TBC1D19: variants seen among roughly 807,000 people sequenced by gnomAD.
The protein encoded by TBC1D19 is TBC1 domain family, member 19.
In TBC1D19, 60 loss-of-function variants were observed where a neutral mutation model predicts 89.0. The ratio of observed to expected loss-of-function variants is 0.67; its 90% CI spans 0.55 to 0.84. The LOEUF is 0.84. Ranked by LOEUF, TBC1D19 falls within the 40% of genes least tolerant of loss-of-function variation. The pLI is 0.00. For synonymous variants in TBC1D19, 189 were observed against 199.7 expected (o/e 0.95, Z 0.45); for missense variants, 500 against 610.8 (o/e 0.82, Z 1.91).
At chr4:26,701,305 G>A (rs963295907) in intron 13 of TBC1D19, among the ~76,000 whole-genome samples, 6 of 133,500 alleles carry the variant, frequency 4.5e-5, no homozygotes, top group African/African-American at 1.0e-4. Flanking sequence ...TGACCAACCC[G>A]TCACTCATCT....
At chr4:26,614,640 GTGTTTT>G (rs1741568569) in intron 3 of TBC1D19, among the ~76,000 whole-genome samples, 187 bp downstream of exon 3, 1 of 151,994 alleles carries the variant, frequency 6.6e-6, no homozygotes, top group South Asian at 2.1e-4. Context: ...TAAGAAATAG[GTGTTTT>G]TGTTTTTGTT....
At chr4:26,703,391 CAT>C (rs1491473505) in intron 13 of TBC1D19, among the ~76,000 whole-genome samples, 3 of 151,732 alleles carry the variant, frequency 2.0e-5, no homozygotes, top group East Asian at 1.9e-4. Context: ...TGTGTGTGTG[CAT>C]GTGTGTGTGT....
the TBC1D19 span, among the ~76,000 whole-genome samples, chr4:26,789,411 C>T: frequency 2.6e-5 from 4 of 152,136 alleles, no homozygotes; most frequent in South Asian, 2.1e-4. Context: ...CATGAACAGA[C>T]ATTTTTCAAA....
chr4:26,728,373 C>T (rs76782162), intron 15 of TBC1D19, among the ~76,000 whole-genome samples: 2,708 of 152,250 alleles, frequency 0.018, 53 homozygotes, highest in East Asian at 0.066. Context: ...TATTTATTAA[C>T]TTATTTTTCT....
At chr4:26,700,118 C>A (rs1017178580) in intron 13 of TBC1D19, among the ~76,000 whole-genome samples, 1 of 151,742 alleles carries the variant, frequency 6.6e-6, no homozygotes, top group Non-Finnish European at 1.5e-5. Context: ...AAGTTTAGGA[C>A]AACATGCTCA....
the TBC1D19 span, among the ~76,000 whole-genome samples, chr4:26,802,997 G>A: frequency 3.3e-5 from 5 of 152,142 alleles, no homozygotes; most frequent in African/African-American, 9.7e-5. Context: ...TGATAAGGAC[G>A]CTAATCCCAT....
At chr4:26,682,508 A>C (rs1713437361) in intron 11 of TBC1D19, among the ~76,000 whole-genome samples, 1 of 152,166 alleles carries the variant, frequency 6.6e-6, no homozygotes, top group African/African-American at 2.4e-5. Flanking sequence ...ACATGCAGTA[A>C]ATATTCCTCC....
At chr4:26,722,545 C>T (rs985541966) in intron 15 of TBC1D19, among the ~76,000 whole-genome samples, 2 of 152,026 alleles carry the variant, frequency 1.3e-5, no homozygotes, top group Non-Finnish European at 2.9e-5. Context: ...TATAAAACAG[C>T]GTATTAGACC....
chr4:26,834,297 C>T, the TBC1D19 span, among the ~76,000 whole-genome samples: 1 of 152,154 alleles, frequency 6.6e-6, no homozygotes, highest in Non-Finnish European at 1.5e-5. Flanking sequence ...AGGTTGGTCT[C>T]CCAGAGCCAT....
intron 4 of TBC1D19, among the ~76,000 whole-genome samples, chr4:26,626,842 T>C (rs1379190097): frequency 6.7e-6 from 1 of 149,298 alleles, no homozygotes; most frequent in Non-Finnish European, 1.5e-5. Flanking sequence ...TATTTTTATT[T>C]ATTTTATTTT....
At chr4:26,757,601 A>G, downstream of TBC1D19, among the ~76,000 whole-genome samples, 1 of 152,198 alleles carries the variant, frequency 6.6e-6, no homozygotes, top group East Asian at 1.9e-4. Flanking sequence ...ATGCTCTGGT[A>G]AGGCAGTGTT....
Position 26,683,785 on chromosome 4 carries a change from A to G in TBC1D19, c.891+36A>G, listed in dbSNP as rs776557714. On this transcript the variant is annotated intron_variant, in intron 12 of 20. Transcript: ENST00000264866. ...GTCAGCTTAGTTTTTCCTTTTCATT[A>G]ATATAATTTAGAATTGAGATTCTTC... 8 of 1,540,754 alleles carry G rather than the reference A, an allele frequency of 5.2e-6. No homozygotes were observed. The Admixed American group carries it at 1.5e-4, about 28-fold the overall frequency.
At chr4:26,813,338 C>G in the TBC1D19 span, among the ~76,000 whole-genome samples, 1 of 152,162 alleles carries the variant, frequency 6.6e-6, no homozygotes, top group African/African-American at 2.4e-5. Context: ...TCTCTTATCC[C>G]TCCTTCACAA....
chr4:26,669,601 A>G (rs530573515), intron 9 of TBC1D19, among the ~76,000 whole-genome samples: 9 of 151,846 alleles, frequency 5.9e-5, no homozygotes, highest in African/African-American at 1.4e-4. Context: ...ATTTCACATA[A>G]TTGAATAGTT....
chr4:26,827,548 G>A, the TBC1D19 span, among the ~76,000 whole-genome samples: 1 of 152,200 alleles, frequency 6.6e-6, no homozygotes, highest in Admixed American at 6.5e-5. Flanking sequence ...AGGTTGCAGT[G>A]AGCCAAGATT....
At chr4:26,705,896 T>TTGTTTGTA (rs890948017) in intron 13 of TBC1D19, among the ~76,000 whole-genome samples, 4 of 152,062 alleles carry the variant, frequency 2.6e-5, no homozygotes, top group Non-Finnish European at 5.9e-5. Flanking sequence ...TTGTTTTGTT[T>TTGTTTGTA]TGTTTGTTTG....
At chr4:26,671,076 A>T (rs1257479948) in intron 9 of TBC1D19, among the ~76,000 whole-genome samples, 1 of 151,626 alleles carries the variant, frequency 6.6e-6, no homozygotes, top group African/African-American at 2.4e-5. Context: ...ATTGCTAATT[A>T]TCATAGGATA....
At chr4:26,660,273 G>A (rs551876414) in intron 8 of TBC1D19, among the ~76,000 whole-genome samples, 6 of 152,190 alleles carry the variant, frequency 3.9e-5, no homozygotes, top group Non-Finnish European at 7.4e-5. Flanking sequence ...AATAAGGAGC[G>A]TAGAAATATA....
At chr4:26,641,748 C>T (rs1420277531) in intron 7 of TBC1D19, among the ~76,000 whole-genome samples, 1 of 152,148 alleles carries the variant, frequency 6.6e-6, no homozygotes, top group African/African-American at 2.4e-5. Flanking sequence ...CCTGATGGAG[C>T]TGAAAACCAT....
Sources: gnomAD v4.1 joint callset for allele counts (sites outside exome capture counted in the v4.1 genomes callset) on GRCh38, gnomAD v4.1.1 for gene constraint, MANE v1.5 for transcripts, NCBI Gene and HGNC (gene_info 2026-07-23, HGNC 2026-07-21) for gene names.